Variants in TMEM135 observed in about 807,000 individuals in gnomAD.
TMEM135 encodes peroxisomal membrane protein 52.
A neutral mutation model predicts 60.3 loss-of-function variants in TMEM135; 30 were observed. The observed-to-expected ratio is 0.50, with a 90% CI of 0.37 to 0.68. The LOEUF is 0.68. Ranked by LOEUF, TMEM135 falls within the 30% of genes least tolerant of loss-of-function variation. TMEM135 has a pLI of 0.00. For missense variants in TMEM135, 468 were observed against 548.8 expected (o/e 0.85, Z 1.47); for synonymous variants, 190 against 186.7 (o/e 1.02, Z -0.14).
chr11:87,060,991 A>C (rs954955124), intron 1 of TMEM135, among the ~76,000 whole-genome samples: 1 of 152,104 alleles, frequency 6.6e-6, no homozygotes, highest in Non-Finnish European at 1.5e-5. Flanking sequence ...ATGCCCATTA[A>C]AATCATGCCC....
intron 5 of TMEM135, among the ~76,000 whole-genome samples, chr11:87,162,981 G>A (rs1938929089): frequency 1.3e-5 from 2 of 149,146 alleles, no homozygotes; most frequent in African/African-American, 2.5e-5. Flanking sequence ...GTGATGATGA[G>A]CTTTTTTTCA....
chr11:87,135,205 C>T (rs1018192125), intron 4 of TMEM135, among the ~76,000 whole-genome samples: 1 of 151,372 alleles, frequency 6.6e-6, no homozygotes, highest in Admixed American at 6.6e-5. Flanking sequence ...ATTCTCTAAA[C>T]AATGTCTTTT....
At chr11:87,120,107 C>CTTA (rs1565449165) in intron 4 of TMEM135, among the ~76,000 whole-genome samples, 1 of 84,950 alleles carries the variant, frequency 1.2e-5, no homozygotes, top group Non-Finnish European at 2.4e-5. Context: ...CTGTTTTTTT[C>CTTA]TTCTTCTTCT....
intron 4 of TMEM135, among the ~76,000 whole-genome samples, chr11:87,151,268 G>A (rs971627161): frequency 1.3e-5 from 2 of 152,202 alleles, no homozygotes; most frequent in African/African-American, 2.4e-5. Context: ...ATTCCTGGAA[G>A]AGTTTCTCAA....
intron 4 of TMEM135, among the ~76,000 whole-genome samples, chr11:87,141,228 T>C (rs78962347): frequency 0.019 from 2,934 of 152,238 alleles, 77 homozygotes; most frequent in East Asian, 0.07. Flanking sequence ...ATAGCATATT[T>C]CTGCACTTTC....
chr11:87,242,072 G>A (rs1439174432), intron 6 of TMEM135, among the ~76,000 whole-genome samples: 3 of 149,372 alleles, frequency 2.0e-5, no homozygotes, highest in Non-Finnish European at 3.0e-5. Context: ...TCATTGTTCA[G>A]TTCCCACCTA....
intron 4 of TMEM135, among the ~76,000 whole-genome samples, chr11:87,116,525 A>AT (rs1857883591): frequency 2.6e-5 from 4 of 152,194 alleles, no homozygotes; most frequent in South Asian, 4.1e-4. Flanking sequence ...AAATTATGAC[A>AT]TTTATTTTAG....
At chr11:87,243,063 C>G (rs1941177178) in intron 6 of TMEM135, among the ~76,000 whole-genome samples, 1 of 129,480 alleles carries the variant, frequency 7.7e-6, no homozygotes, top group Non-Finnish European at 1.7e-5. Flanking sequence ...TTTCAGCTTT[C>G]TACATATGGC....
chr11:87,301,684 G>A (rs989651061), intron 7 of TMEM135, among the ~76,000 whole-genome samples: 6 of 152,176 alleles, frequency 3.9e-5, no homozygotes, highest in African/African-American at 1.4e-4. Flanking sequence ...GACTCTTACA[G>A]GATAGGTGTA....
chr11:87,246,076 G>T (rs1591134777), intron 6 of TMEM135, among the ~76,000 whole-genome samples: 1 of 142,946 alleles, frequency 7.0e-6, no homozygotes, highest in East Asian at 2.0e-4. Flanking sequence ...GCATTTGCTT[G>T]TCTGTAAAGT....
At chr11:87,189,230 G>A (rs1939739698) in intron 5 of TMEM135, among the ~76,000 whole-genome samples, 2 of 141,924 alleles carry the variant, frequency 1.4e-5, no homozygotes, top group South Asian at 2.3e-4. Context: ...GTGTGATCTC[G>A]GCTCACTGCA....
chr11:87,135,050 C>A (rs61904215), intron 4 of TMEM135, among the ~76,000 whole-genome samples: 19,540 of 152,144 alleles, frequency 0.13, 1,333 homozygotes, highest in Middle Eastern at 0.15. Flanking sequence ...AGTGAACTGT[C>A]TTTTCAAAAC....
At chr11:87,163,323 T>C (rs890998050) in intron 5 of TMEM135, among the ~76,000 whole-genome samples, 1 of 145,556 alleles carries the variant, frequency 6.9e-6, no homozygotes, top group Non-Finnish European at 1.5e-5. Flanking sequence ...TTACTGAGAA[T>C]GATGATTTCC....
chr11:87,282,048 T>C (rs1942069574), intron 6 of TMEM135, among the ~76,000 whole-genome samples: 1 of 152,206 alleles, frequency 6.6e-6, no homozygotes, highest in African/African-American at 2.4e-5. Context: ...AAAACACAAG[T>C]TGCAGAGATT....
At chr11:87,296,281 G>A (rs1452132580) in intron 7 of TMEM135, among the ~76,000 whole-genome samples, 1 of 152,148 alleles carries the variant, frequency 6.6e-6, no homozygotes, top group Non-Finnish European at 1.5e-5. Context: ...TTGGCACATA[G>A]TATATACTGT....
chr11:87,121,393 G>A (rs925778672), intron 4 of TMEM135: 1 of 152,064 alleles, frequency 6.6e-6, no homozygotes, highest in Non-Finnish European at 1.5e-5. Context: ...ATTATGATGA[G>A]TATTGCAAAA....
chr11:87,286,498 G>A (rs1447991060), intron 6 of TMEM135, among the ~76,000 whole-genome samples: 2 of 152,378 alleles, frequency 1.3e-5, no homozygotes, highest in African/African-American at 2.4e-5. Context: ...GGAGCTGCCT[G>A]CCAGTCCCGT....
In TMEM135 at chr11:87,150,215, CAA is replaced by C. The variant is rs200067307; in HGVS notation, c.397-7107_397-7106del. Among the ~76,000 whole-genome samples the C allele has an allele frequency of 5.3e-3, 587 of 109,870 alleles. 2 individuals are homozygous for C. Among genetic ancestry groups the C allele is most frequent in the South Asian group, 0.019 (66 of 3,444 alleles). 72.1% of individuals were successfully genotyped at this position (109,870 alleles called of 152,430 possible). On this transcript the variant is annotated intron_variant, in intron 4 of 14. Transcript: ENST00000305494. The stretch of plus-strand genomic sequence containing the variant: ...GGGCAACAAGAGCGAAACTCTGTCT[CAA>C]AAAAAAAAAAAAAAAAAAGAAAAAA...
intron 6 of TMEM135, among the ~76,000 whole-genome samples, chr11:87,243,085 C>A (rs1162112891): frequency 8.3e-6 from 1 of 120,386 alleles, no homozygotes; most frequent in Non-Finnish European, 1.8e-5. Flanking sequence ...AGCCAGTTTT[C>A]CCAGCACCAT....
Sources: gnomAD v4.1 joint callset for allele counts (sites outside exome capture counted in the v4.1 genomes callset) on GRCh38, gnomAD v4.1.1 for gene constraint, MANE v1.5 for transcripts, NCBI Gene and HGNC (gene_info 2026-07-23, HGNC 2026-07-21) for gene names.